The following ANXA4 variants were observed in gnomAD, a reference collection of about 807,000 sequenced individuals.
The protein encoded by ANXA4 is 35-beta calcimedin.
ANXA4 carries 39 observed loss-of-function variants against 49.8 expected under a neutral mutation model. That is an observed-to-expected ratio of 0.78 (90% CI 0.61 to 1.02). The LOEUF (loss-of-function observed/expected upper bound fraction) is 1.02. Among genes scored for constraint, ANXA4 ranks in the 50% least tolerant of loss-of-function variants. The probability of loss-of-function intolerance (pLI) is 0.00; values close to 1 mark genes in which losing one functional copy is unlikely to be tolerated. For synonymous variants in ANXA4, 134 were observed against 152.5 expected (o/e 0.88, Z 0.89); for missense variants, 360 against 410.1 (o/e 0.88, Z 1.05).
chr2:69,788,837 C>CAA (rs34455712), intron 3 of ANXA4, among the ~76,000 whole-genome samples: 15 of 81,994 alleles, frequency 1.8e-4, no homozygotes, highest in South Asian at 4.5e-4. Flanking sequence ...GACTCCATCT[C>CAA]AAAAAAAAAA....
upstream of ANXA4, among the ~76,000 whole-genome samples, chr2:69,741,252 G>A (rs1329893475): frequency 1.3e-5 from 2 of 152,126 alleles, no homozygotes; most frequent in Non-Finnish European, 2.9e-5. Flanking sequence ...TAGACTCAAC[G>A]GATTCATTCT....
chr2:69,745,326 G>C (rs1670567468), intron 1 of ANXA4, among the ~76,000 whole-genome samples: 1 of 152,120 alleles, frequency 6.6e-6, no homozygotes, highest in African/African-American at 2.4e-5. Flanking sequence ...TACAAGTTTA[G>C]GCAGAGGTTC....
intron 2 of ANXA4, among the ~76,000 whole-genome samples, chr2:69,662,372 A>G (rs2105325939): frequency 6.6e-6 from 1 of 152,190 alleles, no homozygotes; most frequent in African/African-American, 2.4e-5. Flanking sequence ...GTTGCATTCT[A>G]TAAATCATGC....
chr2:69,707,699 A>G lies in ANXA4; in HGVS notation n.767-13075A>G, dbSNP rs1678541942. ...TCGCATCATATAAAATGGGGTATCC[A>G]TCCCCTCAAACATTTATCCTTTGTG... is the stretch of plus-strand genomic sequence containing the variant. On this transcript the variant is annotated intron_variant and non_coding_transcript_variant, in intron 2 of 3. Coordinates refer to the ANXA4 transcript ENST00000418066. Among the ~76,000 whole-genome samples the G allele has an allele frequency of 5.3e-5, 8 of 152,374 alleles. No individual in the cohort carries two copies. The South Asian group carries it at 1.7e-3, about 32-fold the overall frequency.
intron 2 of ANXA4, among the ~76,000 whole-genome samples, chr2:69,692,352 A>G (rs1237980551): frequency 6.6e-6 from 1 of 152,228 alleles, no homozygotes; most frequent in African/African-American, 2.4e-5. Flanking sequence ...AGAAGTGTCC[A>G]TGAAAGATTC....
chr2:69,702,174 G>A (rs929601397), intron 2 of ANXA4, among the ~76,000 whole-genome samples: 1 of 135,504 alleles, frequency 7.4e-6, no homozygotes, highest in Non-Finnish European at 1.6e-5. Context: ...ACCACCCATG[G>A]CTCATTTTTT....
intron 1 of ANXA4, among the ~76,000 whole-genome samples, chr2:69,746,954 C>T (rs1421541578): frequency 6.6e-6 from 1 of 152,000 alleles, no homozygotes; most frequent in African/African-American, 2.4e-5. Context: ...GCCAAAATTG[C>T]ACTACTACAC....
At chr2:69,754,033 G>A (rs1670952467) in intron 1 of ANXA4, among the ~76,000 whole-genome samples, 1 of 152,204 alleles carries the variant, frequency 6.6e-6, no homozygotes, top group South Asian at 2.1e-4. Flanking sequence ...GCATCCATCT[G>A]TGGGAAGAGA....
chr2:69,814,793 T>TGTGTGA (rs1431461618), intron 8 of ANXA4: 15 of 44,026 alleles, frequency 3.4e-4, no homozygotes, highest in South Asian at 1.3e-3. Context: ...TGTGTGTGTG[T>TGTGTGA]GAGAGAAAGA....
chr2:69,655,415 AC>A, intron 2 of ANXA4, among the ~76,000 whole-genome samples: 1 of 152,328 alleles, frequency 6.6e-6, no homozygotes, highest in Admixed American at 6.5e-5. Context: ...TAGCCAAAAA[AC>A]ATATGAAAAA....
chr2:69,697,546 A>G (rs1678197081), intron 2 of ANXA4, among the ~76,000 whole-genome samples: 1 of 152,168 alleles, frequency 6.6e-6, no homozygotes, highest in Non-Finnish European at 1.5e-5. Context: ...CAACTTGGCT[A>G]TCTGTTTGGC....
intron 2 of ANXA4, among the ~76,000 whole-genome samples, chr2:69,670,809 G>A (rs115155005): frequency 0.011 from 1,714 of 152,106 alleles, 39 homozygotes; most frequent in African/African-American, 0.039. Flanking sequence ...CAGACTGCTT[G>A]AGCTAAGGAG....
At position 69,812,647 on chromosome 2, in the gene ANXA4, C is replaced by T; in HGVS notation, c.478-6C>T. The T allele has an allele frequency of 6.2e-7, 1 of 1,612,810 alleles. No individual in the cohort carries two copies. Among genetic ancestry groups the T allele is most frequent in the Non-Finnish European group, 8.5e-7 (1 of 1,179,150 alleles). ...ATTATTTTTTATTTGTTTTTCTCAT[C>T]CTCAGGGTGGGAGGGATGAAGGAAA... is the stretch of plus-strand genomic sequence containing the variant. On this transcript the variant is annotated splice_polypyrimidine_tract_variant and splice_region_variant and intron_variant, in intron 7 of 12. Transcript: ENST00000394295.
intron 2 of ANXA4, among the ~76,000 whole-genome samples, chr2:69,690,200 A>ACTG (rs1234528390): frequency 6.6e-6 from 1 of 152,134 alleles, no homozygotes; most frequent in Non-Finnish European, 1.5e-5. Flanking sequence ...GTGTCTCTCA[A>ACTG]AATTTGTCCT....
chr2:69,764,859 T>TC (rs1671436597), intron 1 of ANXA4, among the ~76,000 whole-genome samples: 1 of 152,214 alleles, frequency 6.6e-6, no homozygotes, highest in Non-Finnish European at 1.5e-5. Flanking sequence ...CTCTTCCCTT[T>TC]CCTCCAGCAT....
chr2:69,721,760 A>G (rs1669817670), intron 3 of ANXA4, among the ~76,000 whole-genome samples: 1 of 152,178 alleles, frequency 6.6e-6, no homozygotes, highest in Non-Finnish European at 1.5e-5. Flanking sequence ...ACTAGACAAT[A>G]AGGACAAATC....
intron 2 of ANXA4, among the ~76,000 whole-genome samples, chr2:69,661,682 AG>A (rs572874867): frequency 1.4e-3 from 207 of 152,298 alleles, no homozygotes; most frequent in African/African-American, 4.7e-3. Flanking sequence ...GACCTGAGAA[AG>A]CTGACTTTCA....
chr2:69,658,119 G>A (rs778422759), intron 2 of ANXA4, among the ~76,000 whole-genome samples: 3 of 151,774 alleles, frequency 2.0e-5, no homozygotes, highest in South Asian at 2.1e-4. Context: ...AAAAATAGGC[G>A]GGGCACAGTG....
intron 1 of ANXA4, among the ~76,000 whole-genome samples, chr2:69,744,460 T>G (rs1670532178): frequency 6.6e-6 from 1 of 152,182 alleles, no homozygotes; most frequent in South Asian, 2.1e-4. Context: ...ACCTTTTAAA[T>G]CTAAAACAAG....
Sources: gnomAD v4.1 joint callset for allele counts (sites outside exome capture counted in the v4.1 genomes callset) on GRCh38, gnomAD v4.1.1 for gene constraint, MANE v1.5 for transcripts, NCBI Gene and HGNC (gene_info 2026-07-23, HGNC 2026-07-21) for gene names.